Variants in FERMT2 observed in about 807,000 individuals in gnomAD.
FERMT2 encodes the protein fermitin family homolog 2.
Under a neutral mutation model 82.7 loss-of-function variants are expected in FERMT2, and 15 were observed. The ratio of observed to expected loss-of-function variants is 0.18; its 90% CI spans 0.12 to 0.28. FERMT2 has a LOEUF of 0.28. Among genes scored for constraint, FERMT2 ranks in the 10% least tolerant of loss-of-function variants. The pLI is 1.00. For missense variants in FERMT2, 645 were observed against 809.4 expected (o/e 0.80, Z 2.46); for synonymous variants, 274 against 271.5 (o/e 1.01, Z -0.09).
intron 2 of FERMT2, among the ~76,000 whole-genome samples, chr14:52,932,859 CA>C (rs1356363594): frequency 2.6e-5 from 4 of 152,336 alleles, no homozygotes; most frequent in African/African-American, 9.6e-5. Context: ...GTGCAATCTA[CA>C]ACACTATCAT....
At chr14:52,865,587 A>AAT (rs1351958538) in intron 10 of FERMT2, among the ~76,000 whole-genome samples, 1 of 152,220 alleles carries the variant, frequency 6.6e-6, no homozygotes. Flanking sequence ...TAAATAAGAT[A>AAT]ATACACTGTC....
At chr14:52,930,178 G>C (rs1410792836) in intron 2 of FERMT2, among the ~76,000 whole-genome samples, 1 of 152,030 alleles carries the variant, frequency 6.6e-6, no homozygotes, top group Non-Finnish European at 1.5e-5. Flanking sequence ...TAGAAGAGTG[G>C]CAGAGATTCC....
At chr14:52,871,495 A>G (rs1256437260) in intron 10 of FERMT2, 1 of 152,240 alleles carries the variant, frequency 6.6e-6, no homozygotes, top group Admixed American at 6.5e-5. Flanking sequence ...AGGCTCATTA[A>G]CGCTCTGCAA....
At position 52,881,282 on chromosome 14, in the gene FERMT2, C is replaced by A. The variant is rs1211298203; in HGVS notation, c.714G>T (p.Lys238Asn). The change falls in exon 5 of 15, where the codon AAG becomes AAT. Residue 238 changes from lysine to asparagine, a missense_variant. Coordinates refer to ENST00000341590, the MANE Select transcript of FERMT2 (RefSeq NM_006832.3). ...TSPEILAKMF[K>N]PQALLDKAKI... ...TTGCTTTATCAAGAAGAGCTTGAGGCTTGAACATTTTTGCCAAGATTTCTG... is the reference window on the plus strand; with the variant it reads ...TTGCTTTATCAAGAAGAGCTTGAGGATTGAACATTTTTGCCAAGATTTCTG... 2 of 1,614,000 alleles carry A rather than the reference C, an allele frequency of 1.2e-6. No individual in the cohort carries two copies. Among genetic ancestry groups the A allele is most frequent in the Admixed American group, 1.7e-5 (1 of 60,000 alleles).
At chr14:52,938,839 A>G (rs1889964401) in intron 2 of FERMT2, among the ~76,000 whole-genome samples, 1 of 152,066 alleles carries the variant, frequency 6.6e-6, no homozygotes, top group African/African-American at 2.4e-5. Flanking sequence ...GTGCTGTAAA[A>G]TTCACCTTTT....
At chr14:52,867,238 C>T (rs1171095554) in intron 10 of FERMT2, among the ~76,000 whole-genome samples, 1 of 152,042 alleles carries the variant, frequency 6.6e-6, no homozygotes, top group African/African-American at 2.4e-5. Context: ...CCGTGCCCAG[C>T]CATTTTTGTT....
chr14:52,899,095 GC>G (rs1383558417), intron 3 of FERMT2, among the ~76,000 whole-genome samples: 1 of 151,988 alleles, frequency 6.6e-6, no homozygotes, highest in African/African-American at 2.4e-5. Flanking sequence ...TTGTTAAGTA[GC>G]TTTTTTGTCT....
intron 1 of FERMT2, 155 bp downstream of exon 1, chr14:52,950,766 C>CCT: frequency 1.9e-6 from 1 of 537,176 alleles, no homozygotes; most frequent in South Asian, 2.4e-5. Flanking sequence ...CCGCAGCGTT[C>CCT]CTCGGTCCCG....
At chr14:52,895,599 T>C (rs1018263240) in intron 3 of FERMT2, among the ~76,000 whole-genome samples, 1 of 152,180 alleles carries the variant, frequency 6.6e-6, no homozygotes, top group African/African-American at 2.4e-5. Flanking sequence ...TGTGATTCCA[T>C]TCACAAAATT....
At chr14:52,912,458 T>C (rs576914311) in intron 3 of FERMT2, among the ~76,000 whole-genome samples, 14 of 152,026 alleles carry the variant, frequency 9.2e-5, no homozygotes, top group Non-Finnish European at 1.6e-4. Flanking sequence ...GGAAATATAA[T>C]GTAACTACCC....
chr14:52,926,498 T>G (rs147291194), intron 2 of FERMT2, among the ~76,000 whole-genome samples: 158 of 151,254 alleles, frequency 1.0e-3, no homozygotes, highest in African/African-American at 3.7e-3. Context: ...ATCACCGGAG[T>G]AGATTCATTC....
At position 52,915,038 on chromosome 14, in the gene FERMT2, GA is replaced by G. The variant is rs978153269; in HGVS notation, c.391+4084del. 2.6e-5 allele frequency among the ~76,000 whole-genome samples: 4 copies of G among 151,682 alleles called. No homozygotes were observed. In the East Asian group the frequency reaches 7.8e-4, roughly 29 times the overall value. ...TAAGGTATCAGATATTAGATTATAAGAAAAAAAATAAACAGCATTCCTAATA... is the reference window on the plus strand; with the variant it reads ...TAAGGTATCAGATATTAGATTATAAGAAAAAAATAAACAGCATTCCTAATA... On this transcript the variant is annotated intron_variant, in intron 3 of 14. Coordinates refer to ENST00000341590, the MANE Select transcript of FERMT2 (RefSeq NM_006832.3).
At chr14:52,869,233 C>G (rs1386528155) in intron 10 of FERMT2, among the ~76,000 whole-genome samples, 1 of 152,092 alleles carries the variant, frequency 6.6e-6, no homozygotes, top group Non-Finnish European at 1.5e-5. Context: ...GGTAGTGACC[C>G]TAATTAAGAG....
At chr14:52,883,149 T>A (rs1286063168) in intron 4 of FERMT2, among the ~76,000 whole-genome samples, 1 of 151,594 alleles carries the variant, frequency 6.6e-6, no homozygotes, top group Non-Finnish European at 1.5e-5. Context: ...CAAGACTCTA[T>A]CTCAAACAAA....
intron 3 of FERMT2, among the ~76,000 whole-genome samples, chr14:52,894,036 C>T (rs1887112737): frequency 6.6e-6 from 1 of 152,170 alleles, no homozygotes; most frequent in Admixed American, 6.5e-5. Context: ...CCATGTTGAT[C>T]AGGCTGGTCT....
intron 2 of FERMT2, among the ~76,000 whole-genome samples, chr14:52,931,019 G>A (rs1259432450): frequency 6.6e-6 from 1 of 152,070 alleles, no homozygotes; most frequent in Non-Finnish European, 1.5e-5. Context: ...CTTTTAGGAT[G>A]TGCCCTCCTG....
At chr14:52,921,546 CA>C (rs1199821629) in intron 2 of FERMT2, among the ~76,000 whole-genome samples, 3 of 152,184 alleles carry the variant, frequency 2.0e-5, no homozygotes, top group Non-Finnish European at 4.4e-5. Context: ...TTATAGAAGA[CA>C]ACCAAGGTTA....
At chr14:52,941,120 T>C (rs1004943351) in intron 2 of FERMT2, among the ~76,000 whole-genome samples, 4 of 152,200 alleles carry the variant, frequency 2.6e-5, no homozygotes. Flanking sequence ...ATCCATTCAA[T>C]GGACTACTAC....
At chr14:52,912,245 T>C (rs1431194800) in intron 3 of FERMT2, among the ~76,000 whole-genome samples, 1 of 152,206 alleles carries the variant, frequency 6.6e-6, no homozygotes. Context: ...ACAACCCCTT[T>C]TGTTTTCGAC....
Sources: allele counts gnomAD v4.1 joint callset (sites outside exome capture counted in the v4.1 genomes callset), GRCh38; gene constraint gnomAD v4.1.1; transcripts MANE v1.5; gene names NCBI Gene and HGNC (gene_info 2026-07-23, HGNC 2026-07-21).